Variants in EVI5 observed in about 807,000 individuals in gnomAD.
The protein encoded by EVI5 is ecotropic viral integration site 5.
Under a neutral mutation model 112.0 loss-of-function variants are expected in EVI5, and 73 were observed. The observed-to-expected ratio is 0.65, with a 90% CI of 0.54 to 0.79. The LOEUF is 0.79. Among genes scored for constraint, EVI5 ranks in the 30% least tolerant of loss-of-function variants. EVI5 has a pLI of 0.00. For missense variants in EVI5, 900 were observed against 968.8 expected (o/e 0.93, Z 0.94); for synonymous variants, 305 against 319.9 (o/e 0.95, Z 0.50).
intron 19 of EVI5, among the ~76,000 whole-genome samples, chr1:92,554,197 G>A (rs1303658741): frequency 6.6e-6 from 1 of 152,222 alleles, no homozygotes; most frequent in Non-Finnish European, 1.5e-5. Context: ...TATGAGCTAT[G>A]AGTAGATTTT....
intron 19 of EVI5, among the ~76,000 whole-genome samples, chr1:92,529,914 A>G (rs1662567522): frequency 6.6e-6 from 1 of 152,210 alleles, no homozygotes; most frequent in Non-Finnish European, 1.5e-5. Context: ...TTTCATAAAT[A>G]CTTTCATAAA....
At chr1:92,618,778 G>GT (rs1280486772) in intron 16 of EVI5, among the ~76,000 whole-genome samples, 1 of 152,224 alleles carries the variant, frequency 6.6e-6, no homozygotes, top group Non-Finnish European at 1.5e-5. Flanking sequence ...AACAAGGACT[G>GT]TAATTGTCAT....
intron 18 of EVI5, among the ~76,000 whole-genome samples, chr1:92,598,005 G>A (rs1473210047): frequency 6.6e-6 from 1 of 152,204 alleles, no homozygotes; most frequent in African/African-American, 2.4e-5. Context: ...GCTGCAGTGA[G>A]CTATGATCAC....
chr1:92,599,297 T>A (rs1294190118), intron 18 of EVI5, among the ~76,000 whole-genome samples: 2 of 152,028 alleles, frequency 1.3e-5, no homozygotes, highest in South Asian at 2.1e-4. Flanking sequence ...AAAAACATTT[T>A]ACTCGCAAGA....
chr1:92,769,297 T>C (rs1302318654), intron 1 of EVI5, among the ~76,000 whole-genome samples: 1 of 152,218 alleles, frequency 6.6e-6, no homozygotes, highest in Non-Finnish European at 1.5e-5. Flanking sequence ...ATGGTATATA[T>C]TCATCAAGAT....
At chr1:92,783,745 G>A (rs1167760108) in intron 1 of EVI5, among the ~76,000 whole-genome samples, 1 of 150,036 alleles carries the variant, frequency 6.7e-6, no homozygotes, top group African/African-American at 2.5e-5. Flanking sequence ...GCAGGAGGTG[G>A]AGGTTGCAGT....
At chr1:92,713,865 A>C (rs919994444) in intron 2 of EVI5, 8 of 208,500 alleles carry the variant, frequency 3.8e-5, no homozygotes, top group Non-Finnish European at 6.7e-5. Flanking sequence ...CAAATAACAG[A>C]ATATAAAAAC....
At chr1:92,576,786 A>G (rs1240469565) in intron 18 of EVI5, among the ~76,000 whole-genome samples, 1 of 152,230 alleles carries the variant, frequency 6.6e-6, no homozygotes, top group Non-Finnish European at 1.5e-5. Context: ...CCAGTTAAAA[A>G]TAAGAATCTG....
chr1:92,622,062 C>A (rs1018509630), intron 16 of EVI5, among the ~76,000 whole-genome samples: 6 of 151,490 alleles, frequency 4.0e-5, no homozygotes, highest in African/African-American at 1.5e-4. Context: ...AGAGGTTGCA[C>A]TGAGCTGAGA....
chr1:92,586,413 G>A (rs1053116494), intron 18 of EVI5, among the ~76,000 whole-genome samples: 11 of 151,868 alleles, frequency 7.2e-5, no homozygotes, highest in African/African-American at 2.7e-4. Flanking sequence ...TAGGCTCATG[G>A]ATATTTATTT....
intron 18 of EVI5, among the ~76,000 whole-genome samples, chr1:92,585,484 C>G (rs1466896507): frequency 6.6e-6 from 1 of 152,112 alleles, no homozygotes; most frequent in African/African-American, 2.4e-5. Context: ...GCAAGACACT[C>G]TCCCTCTCTT....
intron 1 of EVI5, among the ~76,000 whole-genome samples, chr1:92,762,315 C>T (rs981573753): frequency 3.9e-4 from 59 of 152,190 alleles, no homozygotes; most frequent in Admixed American, 5.9e-4. Flanking sequence ...GCTGCTACCA[C>T]CATCATTTAC....
At chr1:92,531,550 T>C (rs991510210) in intron 19 of EVI5, among the ~76,000 whole-genome samples, 1 of 152,190 alleles carries the variant, frequency 6.6e-6, no homozygotes, top group Non-Finnish European at 1.5e-5. Context: ...AAGGGTGGGT[T>C]ACCCACAAAG....
intron 19 of EVI5, among the ~76,000 whole-genome samples, chr1:92,535,819 T>C (rs889726760): frequency 4.6e-5 from 7 of 152,044 alleles, no homozygotes; most frequent in Non-Finnish European, 7.4e-5. Context: ...GATGACGGGT[T>C]GATGGGTGCA....
intron 1 of EVI5, among the ~76,000 whole-genome samples, chr1:92,762,933 T>G (rs368829271): frequency 6.6e-6 from 1 of 152,110 alleles, no homozygotes; most frequent in African/African-American, 2.4e-5. Context: ...AATATAACCA[T>G]GTAGTGAAAA....
At chr1:92,528,660 A>T (rs1316180988) in intron 19 of EVI5, among the ~76,000 whole-genome samples, 2 of 152,248 alleles carry the variant, frequency 1.3e-5, no homozygotes, top group African/African-American at 2.4e-5. Flanking sequence ...TACGTGGGTA[A>T]ATCTCAGCAT....
At chr1:92,637,324 G>A (rs1659079484) in intron 13 of EVI5, among the ~76,000 whole-genome samples, 1 of 150,970 alleles carries the variant, frequency 6.6e-6, no homozygotes, top group South Asian at 2.1e-4. Flanking sequence ...GTTGCAGTAA[G>A]CCAAGATCAT....
At chr1:92,712,397 C>T (rs1464393081) in intron 2 of EVI5, among the ~76,000 whole-genome samples, 1 of 151,790 alleles carries the variant, frequency 6.6e-6, no homozygotes, top group Non-Finnish European at 1.5e-5. Flanking sequence ...TAGGCTCCTC[C>T]CAAATATTAT....
chr1:92,696,963 C>T (rs540683700), intron 6 of EVI5, among the ~76,000 whole-genome samples: 1 of 152,094 alleles, frequency 6.6e-6, no homozygotes, highest in African/African-American at 2.4e-5. Flanking sequence ...TGGCATGAAC[C>T]CAGGAGGCGG....
Sources: allele counts gnomAD v4.1 joint callset (sites outside exome capture counted in the v4.1 genomes callset), GRCh38; gene constraint gnomAD v4.1.1; transcripts MANE v1.5; gene names NCBI Gene and HGNC (gene_info 2026-07-23, HGNC 2026-07-21).